SPIN1: variants seen among roughly 807,000 people sequenced by gnomAD.
SPIN1 encodes spindlin-1.
In SPIN1, 3 loss-of-function variants were observed where a neutral mutation model predicts 26.0. That is an observed-to-expected ratio of 0.12 (90% CI 0.05 to 0.30). The LOEUF (loss-of-function observed/expected upper bound fraction) is 0.30, where lower values mean the gene tolerates loss of function less well. Ranked by LOEUF, SPIN1 falls within the 10% of genes least tolerant of loss-of-function variation. SPIN1 has a pLI of 1.00. For synonymous variants in SPIN1, 101 were observed against 116.5 expected (o/e 0.87, Z 0.86); for missense variants, 126 against 333.4 (o/e 0.38, Z 4.84).
intron 5 of SPIN1, among the ~76,000 whole-genome samples, chr9:88,470,996 T>C (rs1368434192): frequency 6.6e-6 from 1 of 152,226 alleles, no homozygotes; most frequent in African/African-American, 2.4e-5. Flanking sequence ...GTGACAATTT[T>C]TTAAATACAA....
At chr9:88,443,676 G>GTAA (rs909412711) in intron 2 of SPIN1, among the ~76,000 whole-genome samples, 2 of 152,160 alleles carry the variant, frequency 1.3e-5, no homozygotes, top group Admixed American at 1.3e-4. Flanking sequence ...TGTGGTAATA[G>GTAA]GTCTTTAGCA....
At chr9:88,439,097 T>C (rs945790375) in intron 2 of SPIN1, among the ~76,000 whole-genome samples, 1 of 152,176 alleles carries the variant, frequency 6.6e-6, no homozygotes, top group Non-Finnish European at 1.5e-5. Context: ...AAACACAGAA[T>C]TGTAGGTGGA....
intron 2 of SPIN1, among the ~76,000 whole-genome samples, chr9:88,448,315 A>T (rs1218542972): frequency 6.6e-6 from 1 of 151,980 alleles, no homozygotes; most frequent in Non-Finnish European, 1.5e-5. Context: ...AAGTATCGGG[A>T]TTACAGGCGT....
intron 2 of SPIN1, among the ~76,000 whole-genome samples, chr9:88,448,003 T>C (rs1439813211): frequency 6.6e-6 from 1 of 152,114 alleles, no homozygotes; most frequent in Non-Finnish European, 1.5e-5. Context: ...TTCTGTACCA[T>C]TTAGGATTTT....
At chr9:88,445,364 A>T (rs1200481669) in intron 2 of SPIN1, among the ~76,000 whole-genome samples, 1 of 151,908 alleles carries the variant, frequency 6.6e-6, no homozygotes, top group Non-Finnish European at 1.5e-5. Flanking sequence ...ATTAGCCATT[A>T]TCAAGCCTCT....
At chr9:88,441,188 CATT>C (rs954158357) in intron 2 of SPIN1, among the ~76,000 whole-genome samples, 17 of 151,806 alleles carry the variant, frequency 1.1e-4, no homozygotes, top group Non-Finnish European at 2.1e-4. Context: ...TTGTATTTGG[CATT>C]ATTAGTAATC....
At chr9:88,454,559 T>G (rs2118157860) in intron 3 of SPIN1, among the ~76,000 whole-genome samples, 1 of 152,356 alleles carries the variant, frequency 6.6e-6, no homozygotes, top group African/African-American at 2.4e-5. Flanking sequence ...TTTTAGGAAC[T>G]TGTTCAATAT....
intron 4 of SPIN1, among the ~76,000 whole-genome samples, chr9:88,465,039 C>T (rs947611385): frequency 1.3e-5 from 2 of 152,186 alleles, no homozygotes; most frequent in East Asian, 3.9e-4. Flanking sequence ...TTTCACTTAG[C>T]ATAATGTCCT....
chr9:88,410,442 G>T (rs1422471470), intron 1 of SPIN1: 2 of 650,158 alleles, frequency 3.1e-6, no homozygotes, highest in East Asian at 3.1e-5. Flanking sequence ...CCACCACTGT[G>T]CTTGGCTGAA....
intron 3 of SPIN1, chr9:88,458,026 G>C: frequency 2.1e-6 from 2 of 968,032 alleles, no homozygotes; most frequent in Non-Finnish European, 2.5e-6. Context: ...TGTTGCTTTG[G>C]CTGGGGGATG....
chr9:88,440,534 C>A (rs776859383), intron 2 of SPIN1, among the ~76,000 whole-genome samples: 4 of 151,942 alleles, frequency 2.6e-5, no homozygotes, highest in Non-Finnish European at 5.9e-5. Flanking sequence ...AGTCTACTTT[C>A]TTTCTTTTCT....
intron 3 of SPIN1, among the ~76,000 whole-genome samples, chr9:88,449,315 C>T (rs1011758600): frequency 3.3e-5 from 5 of 152,006 alleles, no homozygotes; most frequent in African/African-American, 9.7e-5. Context: ...GTGAGCCTTG[C>T]GTGCAGGCTT....
intron 1 of SPIN1, among the ~76,000 whole-genome samples, chr9:88,397,085 C>T (rs1302878752): frequency 1.3e-5 from 2 of 152,064 alleles, no homozygotes; most frequent in Non-Finnish European, 1.5e-5. Flanking sequence ...TTACTGTACA[C>T]TACCGTAGAC....
chr9:88,468,632 T>A, intron 5 of SPIN1, 27 bp downstream of exon 5: 1 of 1,355,794 alleles, frequency 7.4e-7, no homozygotes, highest in Non-Finnish European at 9.7e-7. Flanking sequence ...AACTTTTATA[T>A]GTGATAATTA....
At chr9:88,462,418 G>A (rs1828592750) in intron 3 of SPIN1, 78 bp from the exon 4 acceptor site, 1 of 1,542,244 alleles carries the variant, frequency 6.5e-7, no homozygotes. Flanking sequence ...ATGAGATCAT[G>A]CTAGCCAGCG....
chr9:88,451,856 C>T (rs1007694506), intron 3 of SPIN1, among the ~76,000 whole-genome samples: 2 of 152,200 alleles, frequency 1.3e-5, no homozygotes, highest in Non-Finnish European at 2.9e-5. Context: ...CCACCGTGCC[C>T]AGCCTAAAAG....
intron 2 of SPIN1, among the ~76,000 whole-genome samples, chr9:88,427,530 G>A (rs1383420534): frequency 6.6e-6 from 1 of 152,002 alleles, no homozygotes; most frequent in Non-Finnish European, 1.5e-5. Context: ...TATAAAGATG[G>A]GCACATTTCT....
intron 4 of SPIN1, among the ~76,000 whole-genome samples, chr9:88,463,965 C>T (rs78469748): frequency 0.019 from 2,941 of 152,194 alleles, 74 homozygotes; most frequent in African/African-American, 0.063. Context: ...CCTTCTGAGA[C>T]GACAGCTAGC....
At chr9:88,467,555 GGAA>G (rs1828694907) in intron 4 of SPIN1, among the ~76,000 whole-genome samples, 2 of 152,252 alleles carry the variant, frequency 1.3e-5, no homozygotes, top group South Asian at 4.2e-4. Context: ...TAATGGGAGA[GGAA>G]GAAGAGCAGA....
Sources: gnomAD v4.1 joint callset for allele counts (sites outside exome capture counted in the v4.1 genomes callset) on GRCh38, gnomAD v4.1.1 for gene constraint, MANE v1.5 for transcripts, NCBI Gene and HGNC (gene_info 2026-07-23, HGNC 2026-07-21) for gene names.